Variants in PCDHA3 observed in about 807,000 individuals in gnomAD.
PCDHA3 encodes protocadherin alpha-3.
Under a neutral mutation model 62.2 loss-of-function variants are expected in PCDHA3, and 41 were observed. That is an observed-to-expected ratio of 0.66 (90% CI 0.51 to 0.86). PCDHA3 has a LOEUF of 0.86. Ranked by LOEUF, PCDHA3 falls within the 40% of genes least tolerant of loss-of-function variation. PCDHA3 has a pLI of 0.00. For synonymous variants in PCDHA3, 640 were observed against 555.4 expected, an observed-to-expected ratio of 1.15 and a Z score of -2.14; for missense variants, 1,304 against 1,241.2, an observed-to-expected ratio of 1.05 and a Z score of -0.76.
chr5:140,932,920 A>G (rs1397195310), intron 1 of PCDHA3, among the ~76,000 whole-genome samples: 3 of 152,034 alleles, frequency 2.0e-5, no homozygotes, highest in Non-Finnish European at 4.4e-5. Flanking sequence ...CAACAACTAA[A>G]TTAACTTAGC....
Position 140,969,610 on chromosome 5 carries a change from G to A in PCDHA3, c.2395-9339G>A, listed in dbSNP as rs1468528731. 9 of 723,424 alleles carry A rather than the reference G, an allele frequency of 1.2e-5. No individual in the cohort carries two copies. In the African/African-American group the frequency reaches 1.4e-4, roughly 11 times the overall value. The allele number at this position is 723,424 out of a possible 1,614,324, so 44.8% of individuals were successfully genotyped here. On this transcript the variant is annotated intron_variant, in intron 1 of 3. Transcript: ENST00000522353. ...TCTTAATATTTAATGCTAAAACACA[G>A]ATTTGTAGAGAAACAGGACAGGCCT...
At chr5:140,812,648 C>G (rs1014643443) in intron 1 of PCDHA3, 2 of 152,056 alleles carry the variant, frequency 1.3e-5, no homozygotes, top group Non-Finnish European at 1.5e-5. Flanking sequence ...GTTTAAGAGA[C>G]AAGATCTCAC....
intron 1 of PCDHA3, among the ~76,000 whole-genome samples, chr5:140,880,422 C>T (rs782802267): frequency 6.6e-6 from 1 of 152,252 alleles, no homozygotes; most frequent in Non-Finnish European, 1.5e-5. Flanking sequence ...AAAGCGGGAA[C>T]AGTTTTTCCT....
At chr5:140,856,019 C>G in intron 1 of PCDHA3, 1 of 1,551,820 alleles carries the variant, frequency 6.4e-7, no homozygotes, top group Non-Finnish European at 8.7e-7. Flanking sequence ...ACCGCTGATT[C>G]GTCGATTTGT....
chr5:141,006,346 G>C (rs2098268580), intron 3 of PCDHA3, among the ~76,000 whole-genome samples: 1 of 151,806 alleles, frequency 6.6e-6, no homozygotes, highest in South Asian at 2.1e-4. Context: ...TGAGTAGCTG[G>C]GACTATAGGC....
rs2150195630 is a variant in PCDHA3, at chr5:140,831,520, CTTTTTT to C, written c.2394+27948_2394+27953del. Among the ~76,000 whole-genome samples, 55 of 122,392 alleles carry C rather than the reference CTTTTTT, an allele frequency of 4.5e-4. No individual in the cohort carries two copies. The Middle Eastern group carries it at 0.013, about 28-fold the overall frequency. 80.3% of individuals were successfully genotyped at this position (122,392 alleles called of 152,430 possible). On this transcript the variant is annotated intron_variant, in intron 1 of 3. Transcript: ENST00000522353. ...ACACGAGCACCACCATGCCCCCCAC[CTTTTTT>C]TTTTTTTTTTTTTTTTTTAAGAGAT...
intron 1 of PCDHA3, chr5:140,862,369 C>G: frequency 2.9e-6 from 1 of 341,442 alleles, no homozygotes; most frequent in South Asian, 2.3e-5. Flanking sequence ...CGACCCGCAC[C>G]CTGACTCCTC....
At chr5:140,889,176 A>T (rs2062131208) in intron 1 of PCDHA3, among the ~76,000 whole-genome samples, 1 of 151,738 alleles carries the variant, frequency 6.6e-6, no homozygotes, top group South Asian at 2.1e-4. Context: ...CAAGTTATAA[A>T]TAAGAATCTA....
At chr5:140,923,877 C>T (rs555626217) in intron 1 of PCDHA3, among the ~76,000 whole-genome samples, 5 of 152,284 alleles carry the variant, frequency 3.3e-5, no homozygotes, top group East Asian at 1.9e-4. Flanking sequence ...ATCTGAGAAG[C>T]GTGTGAAAGA....
At chr5:140,938,209 G>A (rs1210350140) in intron 1 of PCDHA3, among the ~76,000 whole-genome samples, 3 of 152,160 alleles carry the variant, frequency 2.0e-5, no homozygotes, top group Admixed American at 6.5e-5. Flanking sequence ...GCCTCCCAAA[G>A]TGCTGGGATT....
At chr5:140,809,671 A>G (rs1554125342) in intron 1 of PCDHA3, 1 of 1,440,468 alleles carries the variant, frequency 6.9e-7, no homozygotes, top group African/African-American at 1.4e-5. Context: ...CTGGGTTAAA[A>G]TTTTACCTCT....
intron 1 of PCDHA3, among the ~76,000 whole-genome samples, chr5:140,932,398 T>C (rs1163806647): frequency 6.6e-6 from 1 of 151,960 alleles, no homozygotes; most frequent in Non-Finnish European, 1.5e-5. Flanking sequence ...AGTTTCAACA[T>C]ACCAATGTTA....
At chr5:140,899,575 G>C (rs1347901369) in intron 1 of PCDHA3, among the ~76,000 whole-genome samples, 1 of 152,086 alleles carries the variant, frequency 6.6e-6, no homozygotes, top group African/African-American at 2.4e-5. Flanking sequence ...TGCTGGATTC[G>C]GTTTGCCAGT....
intron 1 of PCDHA3, among the ~76,000 whole-genome samples, chr5:140,923,261 A>C (rs570487869): frequency 6.6e-6 from 1 of 152,322 alleles, no homozygotes; most frequent in East Asian, 1.9e-4. Flanking sequence ...CAACATAGTG[A>C]GACCTTGTCT....
In PCDHA3 at chr5:140,936,771, C is replaced by A. The variant is rs182480245; in HGVS notation, c.2395-42178C>A. Among the ~76,000 whole-genome samples, 20 of 152,230 alleles carry A rather than the reference C, an allele frequency of 1.3e-4. No individual in the cohort carries two copies. In the East Asian group the frequency reaches 3.5e-3, roughly 26 times the overall value. On this transcript the variant is annotated intron_variant, in intron 1 of 3. Coordinates refer to ENST00000522353, the MANE Select transcript of PCDHA3 (RefSeq NM_018906.3). ...GTATTGATATCTAATTGTGTAAGTT[C>A]TCTCACTTTGTTATTCTGCTTCAAG...
rs782017107 is a variant in PCDHA3 at position 140,968,690 on chromosome 5, A to G, written c.2395-10259A>G. ...TAAGGTAGAGCTGCACACAGGAGAAATTAGGACTACCAGGAAGATGGGAGA... is the reference window on the plus strand; with the variant it reads ...TAAGGTAGAGCTGCACACAGGAGAAGTTAGGACTACCAGGAAGATGGGAGA... On this transcript the variant is annotated intron_variant, in intron 1 of 3. Transcript: ENST00000522353. 60 of 1,614,030 alleles carry G rather than the reference A, an allele frequency of 3.7e-5. No individual in the cohort carries two copies. The highest frequency in any genetic ancestry group is 4.8e-5 in the Non-Finnish European group (57 of 1,180,040).
intron 1 of PCDHA3, among the ~76,000 whole-genome samples, chr5:140,954,151 A>G (rs2094989173): frequency 6.6e-6 from 1 of 152,226 alleles, no homozygotes; most frequent in Admixed American, 6.5e-5. Context: ...TCCATGGTGT[A>G]TATGTACCAC....
At chr5:140,987,314 G>A (rs1554249065) in intron 3 of PCDHA3, among the ~76,000 whole-genome samples, 1 of 152,126 alleles carries the variant, frequency 6.6e-6, no homozygotes, top group Non-Finnish European at 1.5e-5. Flanking sequence ...CCAATGTACT[G>A]TGAAGTTTTA....
At chr5:140,885,174 A>G (rs568198348) in intron 1 of PCDHA3, among the ~76,000 whole-genome samples, 11 of 152,108 alleles carry the variant, frequency 7.2e-5, no homozygotes, top group African/African-American at 2.6e-4. Context: ...TTTGTCCTCT[A>G]GGCACATCAG....
Sources: allele counts gnomAD v4.1 joint callset (sites outside exome capture counted in the v4.1 genomes callset), GRCh38; gene constraint gnomAD v4.1.1; transcripts MANE v1.5; gene names NCBI Gene and HGNC (gene_info 2026-07-23, HGNC 2026-07-21).